GALNTL6: variants seen among roughly 807,000 people sequenced by gnomAD.
GALNTL6 encodes the protein polypeptide N-acetylgalactosaminyltransferase like 6, also known as polypeptide N-acetylgalactosaminyltransferase-like 6.
Under a neutral mutation model 73.7 loss-of-function variants are expected in GALNTL6, and 46 were observed. The observed-to-expected ratio is 0.62, with a 90% CI of 0.49 to 0.80. The LOEUF (loss-of-function observed/expected upper bound fraction) is 0.80, where lower values mean the gene tolerates loss of function less well. GALNTL6 is among the 30% of genes least tolerant of loss of function. The pLI is 0.00. For synonymous variants in GALNTL6, 259 were observed against 263.7 expected (o/e 0.98, Z 0.17); for missense variants, 604 against 755.0 (o/e 0.80, Z 2.34).
At chr4:172,443,803 A>C (rs930021111) in intron 5 of GALNTL6, among the ~76,000 whole-genome samples, 3 of 152,210 alleles carry the variant, frequency 2.0e-5, no homozygotes, top group African/African-American at 7.2e-5. Context: ...GAAAACCTAT[A>C]TATATGGGAT....
chr4:172,039,239 C>A (rs776816646), intron 2 of GALNTL6, among the ~76,000 whole-genome samples: 1 of 151,824 alleles, frequency 6.6e-6, no homozygotes, highest in Non-Finnish European at 1.5e-5. Flanking sequence ...TGGTGTAAAC[C>A]GCAAACTTTT....
intron 3 of GALNTL6, among the ~76,000 whole-genome samples, chr4:172,281,788 C>T (rs1739069022): frequency 6.6e-6 from 1 of 152,112 alleles, no homozygotes; most frequent in African/African-American, 2.4e-5. Context: ...TCTCAAAATT[C>T]TTAATTTAAT....
chr4:172,487,532 G>A (rs1323911316), intron 5 of GALNTL6, among the ~76,000 whole-genome samples: 1 of 151,704 alleles, frequency 6.6e-6, no homozygotes, highest in African/African-American at 2.4e-5. Flanking sequence ...GACTACAGGT[G>A]TGGGCCACCA....
chr4:172,926,185 G>T (rs2111305685), intron 8 of GALNTL6, among the ~76,000 whole-genome samples: 1 of 152,196 alleles, frequency 6.6e-6, no homozygotes, highest in Middle Eastern at 3.4e-3. Context: ...TCACATGGTG[G>T]AAAGACCATG....
chr4:172,670,058 G>A (rs563649562), intron 5 of GALNTL6, among the ~76,000 whole-genome samples: 8 of 152,020 alleles, frequency 5.3e-5, no homozygotes, highest in African/African-American at 1.2e-4. Flanking sequence ...TTTTCTTTAC[G>A]CAGTTTATCA....
intron 5 of GALNTL6, among the ~76,000 whole-genome samples, chr4:172,603,798 C>T (rs909752337): frequency 2.0e-5 from 3 of 152,258 alleles, no homozygotes; most frequent in African/African-American, 7.2e-5. Context: ...TGGCATGACT[C>T]ATTATTCATC....
intron 5 of GALNTL6, among the ~76,000 whole-genome samples, chr4:172,417,486 C>A (rs1730887128): frequency 6.6e-6 from 1 of 151,984 alleles, no homozygotes; most frequent in South Asian, 2.1e-4. Flanking sequence ...TTCATCTCTA[C>A]TAGAATACAA....
chr4:172,022,698 G>A (rs1741442900), intron 2 of GALNTL6, among the ~76,000 whole-genome samples: 1 of 151,328 alleles, frequency 6.6e-6, no homozygotes, highest in Admixed American at 6.6e-5. Context: ...CCCTGTTTGG[G>A]GAAAAAAAAA....
intron 5 of GALNTL6, among the ~76,000 whole-genome samples, chr4:172,524,288 G>A (rs896423927): frequency 1.1e-4 from 17 of 150,156 alleles, no homozygotes; most frequent in East Asian, 3.9e-4. Flanking sequence ...TCACTCTGTC[G>A]CCCAGGCTGG....
chr4:172,813,492 T>A, intron 6 of GALNTL6, 48 bp from the exon 7 acceptor site: 2 of 1,492,252 alleles, frequency 1.3e-6, no homozygotes, highest in Non-Finnish European at 1.8e-6. Flanking sequence ...AAATGATAGA[T>A]GACCTAGGCA....
At chr4:173,026,006 A>G (rs1579798981) in intron 12 of GALNTL6, among the ~76,000 whole-genome samples, 1 of 152,056 alleles carries the variant, frequency 6.6e-6, no homozygotes, top group East Asian at 1.9e-4. Context: ...CATTAAAGCA[A>G]TCTCTCCTAG....
intron 5 of GALNTL6, among the ~76,000 whole-genome samples, chr4:172,670,300 C>T (rs951512349): frequency 6.6e-6 from 1 of 152,140 alleles, no homozygotes; most frequent in Non-Finnish European, 1.5e-5. Flanking sequence ...TTCTCTGCAG[C>T]CTCACCAGCA....
intron 3 of GALNTL6, among the ~76,000 whole-genome samples, chr4:172,244,061 C>G (rs1320221633): frequency 6.6e-6 from 1 of 152,124 alleles, no homozygotes; most frequent in Admixed American, 6.5e-5. Context: ...AAACATCTAG[C>G]ATGTGCTCTC....
chr4:172,996,377 G>T (rs114956257), intron 10 of GALNTL6, among the ~76,000 whole-genome samples: 1 of 151,990 alleles, frequency 6.6e-6, no homozygotes, highest in Non-Finnish European at 1.5e-5. Flanking sequence ...AGCACACACC[G>T]GGGGCTATGG....
chr4:172,933,135 A>T (rs1748436402), intron 9 of GALNTL6, among the ~76,000 whole-genome samples: 1 of 152,182 alleles, frequency 6.6e-6, no homozygotes, highest in Non-Finnish European at 1.5e-5. Flanking sequence ...AATTTAGAGC[A>T]CATGTCACCA....
chr4:172,248,176 T>A (rs1200742105), intron 3 of GALNTL6, among the ~76,000 whole-genome samples: 3 of 152,226 alleles, frequency 2.0e-5, no homozygotes, highest in Admixed American at 6.5e-5. Flanking sequence ...CACAGTCAGA[T>A]TACCTCAGTT....
At chr4:172,377,518 G>C (rs1743077223) in intron 5 of GALNTL6, among the ~76,000 whole-genome samples, 1 of 152,198 alleles carries the variant, frequency 6.6e-6, no homozygotes, top group South Asian at 2.1e-4. Flanking sequence ...CTGCCCACCA[G>C]TCCCACTCAG....
intron 11 of GALNTL6, 99 bp downstream of exon 11, chr4:173,009,393 G>A (rs1036776091): frequency 2.9e-5 from 22 of 751,572 alleles, no homozygotes; most frequent in African/African-American, 1.5e-4. Context: ...TGGTGCAGAT[G>A]GTACTTGTGG....
At chr4:172,685,177 T>C (rs1732847587) in intron 5 of GALNTL6, among the ~76,000 whole-genome samples, 1 of 152,056 alleles carries the variant, frequency 6.6e-6, no homozygotes, top group South Asian at 2.1e-4. Flanking sequence ...AAAGTAAAAA[T>C]AAAAATTCAC....
Sources: gnomAD v4.1 joint callset for allele counts (sites outside exome capture counted in the v4.1 genomes callset) on GRCh38, gnomAD v4.1.1 for gene constraint, MANE v1.5 for transcripts, NCBI Gene and HGNC (gene_info 2026-07-23, HGNC 2026-07-21) for gene names.